The following SPG7 variants were observed in gnomAD, a reference collection of about 807,000 sequenced individuals.
The protein encoded by SPG7 is mitochondrial inner membrane m-AAA protease component paraplegin.
SPG7 carries 103 observed loss-of-function variants against 81.9 expected under a neutral mutation model. That is an observed-to-expected ratio of 1.26 (90% CI 1.07 to 1.48). The LOEUF is 1.48. SPG7 is among the 40% of genes most tolerant of loss of function. The pLI is 0.00. For synonymous variants in SPG7, 534 were observed against 444.2 expected (o/e 1.20, Z -2.54); for missense variants, 1,241 against 1,087.3 (o/e 1.14, Z -1.99).
At chr16:89,531,787 G>A in intron 7 of SPG7, 117 bp from the exon 8 acceptor site, 4 of 986,738 alleles carry the variant, frequency 4.1e-6, no homozygotes, top group Non-Finnish European at 6.3e-6. Context: ...AGGCTGCAGT[G>A]AGCTATCATG....
At position 89,524,257 on chromosome 16, in the gene SPG7, G is replaced by GGT. The variant is rs1399651314; in HGVS notation, c.618+12_618+13dup. 1 of 1,604,782 alleles carries GGT rather than the reference G, an allele frequency of 6.2e-7. No homozygotes were observed. The highest frequency in any genetic ancestry group is 1.4e-5 in the African/African-American group (1 of 73,504). On this transcript the variant is annotated intron_variant, in intron 4 of 16. Coordinates refer to ENST00000645818, the MANE Select transcript of SPG7 (RefSeq NM_003119.4). ...GGTGTTTGGGCGGCCTGTGAGTGAGGGTGCGGGAGGCCTGTGAGTGAGGGT... is the reference window on the plus strand; with the variant it reads ...GGTGTTTGGGCGGCCTGTGAGTGAGGGTGTGCGGGAGGCCTGTGAGTGAGGGT...
intron 9 of SPG7, chr16:89,541,405 C>T (rs935813454): frequency 1.1e-6 from 1 of 880,292 alleles, no homozygotes; most frequent in Admixed American, 6.2e-5. Flanking sequence ...GTCAAAATAA[C>T]AAAATTCTGG....
At chr16:89,522,495 G>C (rs549656822) in intron 3 of SPG7, 47 of 152,146 alleles carry the variant, frequency 3.1e-4, no homozygotes, top group African/African-American at 1.1e-3. Flanking sequence ...ACCACCGCTG[G>C]GTCTGTGGCG....
chr16:89,545,165 TC>T (rs1176039495), intron 10 of SPG7: 1 of 348,514 alleles, frequency 2.9e-6, no homozygotes. Context: ...TGGCATCACT[TC>T]CTTCCATCCG....
chr16:89,514,373 T>C (rs1225058835), intron 3 of SPG7: 1 of 127,212 alleles, frequency 7.9e-6, no homozygotes, highest in Admixed American at 1.0e-4. Context: ...CCGGCTGGAG[T>C]GCAGTGGTGC....
intron 5 of SPG7, 71 bp from the exon 6 acceptor site, chr16:89,529,406 T>G: frequency 1.0e-6 from 1 of 966,290 alleles, no homozygotes; most frequent in East Asian, 2.6e-5. Context: ...CAGCAGTGGT[T>G]CTGATTTGGA....
At chr16:89,540,828 G>T in intron 9 of SPG7, 1 of 898,748 alleles carries the variant, frequency 1.1e-6, no homozygotes, top group Non-Finnish European at 1.3e-6. Context: ...CAAAGACTTA[G>T]GCTCACACGA....
rs2058689988 is a variant in SPG7, at chr16:89,556,664, A to G, written c.2182-223A>G. On this transcript the variant is annotated intron_variant, in intron 16 of 16. Coordinates refer to ENST00000645818, the MANE Select transcript of SPG7 (RefSeq NM_003119.4). ...ATAAGCCAAGATTTTGAATAGAAGT[A>G]GAAAAATTAATGAGGCTGGCCGCCG... 5.3e-6 allele frequency: 3 copies of G among 566,240 alleles called. No individual in the cohort carries two copies. In the South Asian group the frequency reaches 6.0e-5, roughly 11 times the overall value. The allele number at this position is 566,240 out of a possible 1,614,324, so 35.1% of individuals were successfully genotyped here. A position where few individuals can be genotyped will look rare whatever the true frequency, so the allele number is the denominator to read the frequency against.
chr16:89,508,513 G>C lies in SPG7; in HGVS notation c.96G>C (p.Gly32=), dbSNP rs1266180542. The change falls in exon 1 of 17, where the codon GGG becomes GGC. Residue 32 remains glycine, a synonymous_variant. Transcript: ENST00000645818. ...GCCCAGGCCCGGCCTGGAGTCCAGG[G>C]TTCCCCGCCAGGCCCGGGAGGGGGC... The part of the protein sequence containing the change: ...LWGPGPAWSP[G]FPARPGRGRP... 2.0e-6 allele frequency: 3 copies of C among 1,515,228 alleles called. No homozygotes were observed. Among genetic ancestry groups the C allele is most frequent in the Admixed American group, 4.0e-5 (2 of 49,420 alleles). The allele number at this position is 1,515,228 out of a possible 1,614,324, so 93.9% of individuals were successfully genotyped here.
intron 10 of SPG7, chr16:89,545,696 C>T (rs1326586043): frequency 4.1e-5 from 11 of 267,690 alleles, no homozygotes; most frequent in African/African-American, 2.4e-4. Context: ...CAGGGGAGGG[C>T]GGCTCCTGGC....
intron 10 of SPG7, 153 bp downstream of exon 10, chr16:89,544,925 G>T: frequency 1.1e-6 from 1 of 902,542 alleles, no homozygotes; most frequent in South Asian, 1.4e-5. Flanking sequence ...CGCATCGGCT[G>T]CACGCCCCCA....
At chr16:89,529,091 C>A (rs922852645) in intron 5 of SPG7, 1 of 339,692 alleles carries the variant, frequency 2.9e-6, no homozygotes, top group Non-Finnish European at 5.7e-6. Context: ...GGATTACAGG[C>A]GTGAGCCACC....
chr16:89,547,813 C>G (rs1209567137), intron 11 of SPG7, 190 bp from the exon 12 acceptor site: 1 of 601,142 alleles, frequency 1.7e-6, no homozygotes, highest in African/African-American at 1.8e-5. Flanking sequence ...GGGTTTCACC[C>G]TGTTGGCCAG....
intron 7 of SPG7, 162 bp downstream of exon 7, chr16:89,530,970 G>A: frequency 1.1e-6 from 1 of 904,558 alleles, no homozygotes; most frequent in Non-Finnish European, 1.8e-6. Context: ...GCTGGTGCCT[G>A]TTCAACCAGC....
At position 89,556,806 on chromosome 16, in the gene SPG7, C is replaced by T. The variant is rs536285316; in HGVS notation, c.2182-81C>T. 152 of 1,129,876 alleles carry T rather than the reference C, an allele frequency of 1.3e-4. 4 individuals carry two copies. The South Asian group carries it at 1.7e-3, about 13-fold the overall frequency. 70.0% of individuals were successfully genotyped at this position (1,129,876 alleles called of 1,614,324 possible). On this transcript the variant is annotated intron_variant, in intron 16 of 16. Coordinates refer to ENST00000645818, the MANE Select transcript of SPG7 (RefSeq NM_003119.4). ...TGTCCTGCACACAGACAGGCCCTCA[C>T]GCCTCTTGCCACCTCCCCAGGACAT...
At chr16:89,528,532 CAGA>C (rs148505937) in intron 5 of SPG7, 6,565 of 150,352 alleles carry the variant, frequency 0.044, 170 homozygotes, top group Non-Finnish European at 0.07. Flanking sequence ...TGATGATGTA[CAGA>C]AGATGGAGGG....
chr16:89,525,319 C>G (rs547695851), intron 4 of SPG7, among the ~76,000 whole-genome samples: 1 of 152,314 alleles, frequency 6.6e-6, no homozygotes, highest in South Asian at 2.1e-4. Context: ...TACACCATGG[C>G]TAAGTGCAGA....
In SPG7 at chr16:89,555,051, G is replaced by A. The variant is rs1011368527; in HGVS notation, c.2181+488G>A. The A allele has an allele frequency of 9.2e-5, 16 of 173,110 alleles. No homozygotes were observed. The South Asian group carries it at 1.4e-3, about 15-fold the overall frequency. The allele number at this position is 173,110 out of a possible 1,614,324, so 10.7% of individuals were successfully genotyped here. ...CTGCCTCAGCCTCCCGAGTAGCTGC[G>A]ACTGCAGGCATGCACCAACACACTC... On this transcript the variant is annotated intron_variant, in intron 16 of 16. Transcript: ENST00000645818.
intron 4 of SPG7, 115 bp downstream of exon 4, chr16:89,524,362 CT>C: frequency 8.4e-7 from 1 of 1,183,724 alleles, no homozygotes; most frequent in Non-Finnish European, 1.2e-6. Context: ...TGTTGCCATC[CT>C]TTTGGATACC....
Sources: allele counts gnomAD v4.1 joint callset (sites outside exome capture counted in the v4.1 genomes callset), GRCh38; gene constraint gnomAD v4.1.1; transcripts MANE v1.5; gene names NCBI Gene and HGNC (gene_info 2026-07-23, HGNC 2026-07-21).